Variants in ZNF429 observed in about 807,000 individuals in gnomAD.
ZNF429 encodes the protein zinc finger protein 429.
A neutral mutation model predicts 56.8 loss-of-function variants in ZNF429; 53 were observed. That is an observed-to-expected ratio of 0.93 (90% CI 0.75 to 1.17). The LOEUF (loss-of-function observed/expected upper bound fraction) is 1.17. ZNF429 is among the 50% of genes most tolerant of loss of function. The pLI is 0.00. For synonymous variants in ZNF429, 278 were observed against 264.7 expected (o/e 1.05, Z -0.49); for missense variants, 849 against 788.4 (o/e 1.08, Z -0.92).
intron 1 of ZNF429, among the ~76,000 whole-genome samples, chr19:21,516,090 A>AC (rs2032727019): frequency 6.6e-6 from 1 of 151,136 alleles, no homozygotes; most frequent in East Asian, 1.9e-4. Context: ...TTTTATTGAG[A>AC]CCTAGTCTCG....
chr19:21,524,886 TGA>T (rs1478800222), intron 1 of ZNF429, among the ~76,000 whole-genome samples: 20 of 152,210 alleles, frequency 1.3e-4, no homozygotes, highest in Non-Finnish European at 2.9e-5. Flanking sequence ...GGTACCCAGA[TGA>T]GAGTTTCTCT....
chr19:21,530,506 A>G, intron 2 of ZNF429, 83 bp from the exon 3 acceptor site: 1 of 839,954 alleles, frequency 1.2e-6, no homozygotes, highest in Non-Finnish European at 1.7e-6. Flanking sequence ...ATATTATATT[A>G]CATCCTCTTT....
intron 1 of ZNF429, among the ~76,000 whole-genome samples, chr19:21,513,686 G>A (rs2032607273): frequency 6.6e-6 from 1 of 152,188 alleles, no homozygotes; most frequent in African/African-American, 2.4e-5. Flanking sequence ...CTTGGTATCT[G>A]GAAATGGGAG....
intron 1 of ZNF429, among the ~76,000 whole-genome samples, chr19:21,517,562 C>G (rs116162965): frequency 6.6e-6 from 1 of 151,960 alleles, no homozygotes; most frequent in Non-Finnish European, 1.5e-5. Context: ...TCTGTGGGTC[C>G]TAGGCTTTTT....
In ZNF429 at chr19:21,538,109, CAA is replaced by C. The variant is rs35018389; in HGVS notation, c.*50_*51del. 0.16 allele frequency: 69,023 copies of C among 438,614 alleles called. 106 individuals are homozygous for C. Among genetic ancestry groups the C allele is most frequent in the East Asian group, 0.18 (4,175 of 22,706 alleles). The allele number at this position is 438,614 out of a possible 1,614,324, so 27.2% of individuals were successfully genotyped here. A position where few individuals can be genotyped will look rare whatever the true frequency, so the allele number is the denominator to read the frequency against. On this transcript the variant is annotated 3_prime_UTR_variant, in exon 4 of 4. Coordinates refer to ENST00000358491, the MANE Select transcript of ZNF429 (RefSeq NM_001001415.4). ...TGAAACCCCGTCTCTACTAAAAATA[CAA>C]AAAAAAAAAAAAAAAAAATTAGCCA... is the stretch of plus-strand genomic sequence containing the variant.
intron 1 of ZNF429, among the ~76,000 whole-genome samples, chr19:21,520,236 G>C (rs1355951659): frequency 3.3e-5 from 5 of 152,030 alleles, no homozygotes; most frequent in African/African-American, 4.8e-5. Flanking sequence ...GTGTACACAG[G>C]GTGCCCAAGG....
chr19:21,516,591 ATTTG>A (rs2032754671), intron 1 of ZNF429, among the ~76,000 whole-genome samples: 1 of 151,754 alleles, frequency 6.6e-6, no homozygotes, highest in South Asian at 2.1e-4. Context: ...GTAGTTTTTG[ATTTG>A]TTTGTGTTAG....
At chr19:21,511,634 G>A (rs952901660) in intron 1 of ZNF429, among the ~76,000 whole-genome samples, 2 of 151,194 alleles carry the variant, frequency 1.3e-5, no homozygotes, top group Non-Finnish European at 3.0e-5. Flanking sequence ...CCCAGATGAT[G>A]GGCGGCCAGG....
intron 1 of ZNF429, among the ~76,000 whole-genome samples, chr19:21,526,411 C>T (rs952006963): frequency 2.0e-5 from 3 of 152,180 alleles, no homozygotes; most frequent in African/African-American, 7.2e-5. Context: ...TCCCACATAT[C>T]AGTGAGAACA....
chr19:21,511,576 G>T (rs935874186), intron 1 of ZNF429, among the ~76,000 whole-genome samples: 5 of 149,794 alleles, frequency 3.3e-5, no homozygotes, highest in African/African-American at 1.2e-4. Context: ...GGACAGAGAC[G>T]CTCCTCACTT....
In ZNF429 at chr19:21,535,458, TTC is replaced by T; in HGVS notation, c.227-820_227-819del. Among the ~76,000 whole-genome samples, 355 of 85,780 alleles carry T rather than the reference TTC, an allele frequency of 4.1e-3. 40 individuals are homozygous for T. Among genetic ancestry groups the T allele is most frequent in the African/African-American group, 0.012 (252 of 21,192 alleles). 56.3% of individuals were successfully genotyped at this position (85,780 alleles called of 152,430 possible). A position where few individuals can be genotyped will look rare whatever the true frequency, so the allele number is the denominator to read the frequency against. ...TTTCTTTCTTTCTTTCTTTCTTTCT[TTC>T]TTTCTTTCTTTCTTTCTTTCTTTCT... On this transcript the variant is annotated intron_variant, in intron 3 of 3. Transcript: ENST00000358491.
intron 3 of ZNF429, among the ~76,000 whole-genome samples, chr19:21,534,968 C>A: frequency 6.9e-6 from 1 of 145,602 alleles, no homozygotes; most frequent in East Asian, 2.0e-4. Flanking sequence ...CACCACCACG[C>A]CTGGCTAATT....
In ZNF429 at chr19:21,535,368, TCTTTCTTTCTTTTTTA is replaced by T; in HGVS notation, c.227-899_227-884del. 9.0e-4 allele frequency among the ~76,000 whole-genome samples: 86 copies of T among 95,414 alleles called. 8 individuals carry two copies. The highest frequency in any genetic ancestry group is 3.5e-3 in the African/African-American group (79 of 22,726). The allele number at this position is 95,414 out of a possible 152,430, so 62.6% of individuals were successfully genotyped here. On this transcript the variant is annotated intron_variant, in intron 3 of 3. Transcript: ENST00000358491. The stretch of plus-strand genomic sequence containing the variant: ...CCTTTCCTTTCTTTTCTTCTTTCTT[TCTTTCTTTCTTTTTTA>T]CTTTCTTTCTTTCTTTCTTTCTTTT...
chr19:21,530,698 A>G lies in ZNF429; in HGVS notation c.226+14A>G. On this transcript the variant is annotated intron_variant, in intron 3 of 3. Transcript: ENST00000358491. ...ATGAACCCCCAGGTAGGTGAGAGTGAACACAACAGACAACACAGATGAGAG... is the reference window on the plus strand; with the variant it reads ...ATGAACCCCCAGGTAGGTGAGAGTGGACACAACAGACAACACAGATGAGAG... The G allele has an allele frequency of 6.3e-7, 1 of 1,594,326 alleles. No homozygotes were observed. The highest frequency in any genetic ancestry group is 8.6e-7 in the Non-Finnish European group (1 of 1,165,988).
Position 21,535,412 on chromosome 19 carries a change from T to TTTTCTTTC in ZNF429, c.227-789_227-782dup. 5.4e-4 allele frequency among the ~76,000 whole-genome samples: 30 copies of TTTTCTTTC among 55,384 alleles called. 3 individuals are homozygous for TTTTCTTTC. Among genetic ancestry groups the TTTTCTTTC allele is most frequent in the East Asian group, 4.1e-3 (9 of 2,198 alleles). The allele number at this position is 55,384 out of a possible 152,430, so 36.3% of individuals were successfully genotyped here. ...TTCTTTCTTTCTTTCTTTCTTTTTC[T>TTTTCTTTC]TTTCTTTCTTTCTTTCTTTCTTTCT... On this transcript the variant is annotated intron_variant, in intron 3 of 3. Transcript: ENST00000358491.
chr19:21,519,808 G>T (rs1305655560), intron 1 of ZNF429, among the ~76,000 whole-genome samples: 3 of 151,742 alleles, frequency 2.0e-5, no homozygotes, highest in African/African-American at 4.8e-5. Context: ...TATTGTGTCA[G>T]AATCTACATC....
At chr19:21,518,101 C>G (rs955768323) in intron 1 of ZNF429, among the ~76,000 whole-genome samples, 1 of 152,198 alleles carries the variant, frequency 6.6e-6, no homozygotes, top group South Asian at 2.1e-4. Flanking sequence ...TTTGAATCTT[C>G]TCTTCTTACT....
At chr19:21,535,457 TTTCTTTCTTTC>T in intron 3 of ZNF429, among the ~76,000 whole-genome samples, 1,562 of 110,092 alleles carry the variant, frequency 0.014, 201 homozygotes, top group Middle Eastern at 0.031. Flanking sequence ...TCTTTCTTTC[TTTCTTTCTTTC>T]TTTCTTTCTT....
intron 3 of ZNF429, among the ~76,000 whole-genome samples, chr19:21,535,420 CTTTCTTTCT>C: frequency 0.04 from 256 of 6,358 alleles, 55 homozygotes; most frequent in African/African-American, 0.077. Context: ...TCTTTTCTTT[CTTTCTTTCT>C]TTCTTTCTTT....
Sources: gnomAD v4.1 joint callset for allele counts (sites outside exome capture counted in the v4.1 genomes callset) on GRCh38, gnomAD v4.1.1 for gene constraint, MANE v1.5 for transcripts, NCBI Gene and HGNC (gene_info 2026-07-23, HGNC 2026-07-21) for gene names.